Variants in ROBO2 observed in about 807,000 individuals in gnomAD.
ROBO2 encodes roundabout homolog 2.
A neutral mutation model predicts 160.8 loss-of-function variants in ROBO2; 53 were observed. The ratio of observed to expected loss-of-function variants is 0.33; its 90% CI spans 0.26 to 0.41. The LOEUF (loss-of-function observed/expected upper bound fraction) is 0.41, where lower values mean the gene tolerates loss of function less well. Ranked by LOEUF, ROBO2 falls within the 10% of genes least tolerant of loss-of-function variation. The pLI, the probability that ROBO2 is intolerant of heterozygous loss-of-function variation, is 1.00. For missense variants in ROBO2, 1,577 were observed against 1,722.4 expected (o/e 0.92, Z 1.49); for synonymous variants, 664 against 611.7 (o/e 1.09, Z -1.26).
chr3:77,380,850 AC>A (rs1373181387), intron 2 of ROBO2, among the ~76,000 whole-genome samples: 1 of 151,898 alleles, frequency 6.6e-6, no homozygotes, highest in Non-Finnish European at 1.5e-5. Context: ...AATGTTTTAA[AC>A]CCTGATCTTT....
At chr3:76,632,878 C>T (rs145948471) in intron 2 of ROBO2, among the ~76,000 whole-genome samples, 411 of 152,154 alleles carry the variant, frequency 2.7e-3, no homozygotes, top group Admixed American at 8.4e-3. Flanking sequence ...ATTGCTGTCA[C>T]GATAACAATA....
At chr3:76,099,600 A>T (rs536835396) in intron 2 of ROBO2, among the ~76,000 whole-genome samples, 1 of 132,742 alleles carries the variant, frequency 7.5e-6, no homozygotes, top group South Asian at 2.1e-4. Context: ...GACTAACAAT[A>T]AAAAACCTAA....
chr3:76,044,671 C>G (rs1009045718), intron 2 of ROBO2, among the ~76,000 whole-genome samples: 1 of 151,912 alleles, frequency 6.6e-6, no homozygotes, highest in Non-Finnish European at 1.5e-5. Flanking sequence ...CCTCATGGAG[C>G]TTAAAGCATA....
At chr3:77,277,230 G>GTCTTTCTT (rs55905700) in intron 2 of ROBO2, among the ~76,000 whole-genome samples, 2,190 of 96,714 alleles carry the variant, frequency 0.023, 45 homozygotes, top group Middle Eastern at 0.043. Context: ...TTTCTTTCTT[G>GTCTTTCTT]TCTTTCTTTC....
intron 2 of ROBO2, among the ~76,000 whole-genome samples, chr3:77,420,650 A>G (rs2077632562): frequency 6.6e-6 from 1 of 152,182 alleles, no homozygotes; most frequent in Admixed American, 6.5e-5. Flanking sequence ...CTGCTCAAAA[A>G]AGTAAATCAA....
chr3:77,000,016 T>G (rs1053688742), intron 2 of ROBO2, among the ~76,000 whole-genome samples: 2 of 152,168 alleles, frequency 1.3e-5, no homozygotes, highest in African/African-American at 4.8e-5. Context: ...TGCACTCTTT[T>G]GCTCCCAACA....
intron 2 of ROBO2, among the ~76,000 whole-genome samples, chr3:76,740,096 G>A (rs72890292): frequency 0.012 from 1,762 of 152,180 alleles, 31 homozygotes; most frequent in African/African-American, 0.039. Flanking sequence ...CAACTTTATC[G>A]TTAAATCAAT....
intron 2 of ROBO2, among the ~76,000 whole-genome samples, chr3:76,889,024 C>A (rs1447247892): frequency 2.0e-5 from 3 of 152,196 alleles, no homozygotes; most frequent in African/African-American, 7.2e-5. Flanking sequence ...TCATTCTTCA[C>A]ACGATGTACA....
At chr3:77,601,781 G>T (rs2094435395) in intron 19 of ROBO2, among the ~76,000 whole-genome samples, 1 of 152,176 alleles carries the variant, frequency 6.6e-6, no homozygotes, top group South Asian at 2.1e-4. Flanking sequence ...ATGTTAGCAT[G>T]TATTTAGCAG....
chr3:76,728,267 G>T (rs1392075945), intron 2 of ROBO2, among the ~76,000 whole-genome samples: 1 of 152,078 alleles, frequency 6.6e-6, no homozygotes, highest in African/African-American at 2.4e-5. Flanking sequence ...TAATTATTGG[G>T]TTGTGTTGTT....
chr3:77,264,341 G>C (rs1159995393), intron 2 of ROBO2, among the ~76,000 whole-genome samples: 1 of 152,046 alleles, frequency 6.6e-6, no homozygotes, highest in South Asian at 2.1e-4. Flanking sequence ...TCCTGACTTT[G>C]TTCATTGTTC....
At chr3:76,004,482 A>G (rs1046957720) in intron 2 of ROBO2, among the ~76,000 whole-genome samples, 1 of 152,052 alleles carries the variant, frequency 6.6e-6, no homozygotes, top group Non-Finnish European at 1.5e-5. Flanking sequence ...ACCAAAATTT[A>G]TTTTTCACAG....
At chr3:76,565,286 T>G (rs1470729693) in intron 2 of ROBO2, among the ~76,000 whole-genome samples, 1 of 152,230 alleles carries the variant, frequency 6.6e-6, no homozygotes, top group Non-Finnish European at 1.5e-5. Flanking sequence ...TTTATTGCTT[T>G]TCTATTTTTT....
intron 2 of ROBO2, among the ~76,000 whole-genome samples, chr3:76,991,897 A>G (rs1287564130): frequency 1.3e-5 from 2 of 152,160 alleles, no homozygotes; most frequent in Non-Finnish European, 2.9e-5. Context: ...ATATCCTCAA[A>G]TGCAGGGTTA....
intron 2 of ROBO2, among the ~76,000 whole-genome samples, chr3:76,530,175 T>G (rs2082150547): frequency 6.6e-6 from 1 of 152,192 alleles, no homozygotes; most frequent in East Asian, 1.9e-4. Flanking sequence ...TTACCCAGCG[T>G]GTACACAGGG....
At chr3:77,569,742 CTTTTTTTGT>C (rs1186207528) in intron 13 of ROBO2, among the ~76,000 whole-genome samples, 1 of 151,694 alleles carries the variant, frequency 6.6e-6, no homozygotes, top group Non-Finnish European at 1.5e-5. Flanking sequence ...GCTATTCAGG[CTTTTTTTGT>C]TATTGTTCCA....
chr3:77,078,245 A>T (rs2068222636), intron 1 of ROBO2, among the ~76,000 whole-genome samples: 1 of 152,216 alleles, frequency 6.6e-6, no homozygotes, highest in Non-Finnish European at 1.5e-5. Context: ...GTCCAGTTTA[A>T]AAACATATTT....
At chr3:77,227,596 TG>T (rs1157570972) in intron 2 of ROBO2, among the ~76,000 whole-genome samples, 3 of 152,334 alleles carry the variant, frequency 2.0e-5, no homozygotes, top group African/African-American at 7.2e-5. Flanking sequence ...GTTGACTTTT[TG>T]TAAAGGTGAT....
intron 2 of ROBO2, among the ~76,000 whole-genome samples, chr3:76,236,674 T>C (rs1030538875): frequency 2.6e-5 from 4 of 152,246 alleles, no homozygotes; most frequent in Admixed American, 2.6e-4. Context: ...GAGTGGGACA[T>C]TGGAATAATT....
Sources: allele counts gnomAD v4.1 joint callset (sites outside exome capture counted in the v4.1 genomes callset), GRCh38; gene constraint gnomAD v4.1.1; transcripts MANE v1.5; gene names NCBI Gene and HGNC (gene_info 2026-07-23, HGNC 2026-07-21).